Variants in ACAD8 observed in about 807,000 individuals in gnomAD.
The protein encoded by ACAD8 is isobutyryl-CoA dehydrogenase, mitochondrial.
A neutral mutation model predicts 53.1 loss-of-function variants in ACAD8; 47 were observed. That is an observed-to-expected ratio of 0.89 (90% confidence interval 0.70 to 1.13). The LOEUF (loss-of-function observed/expected upper bound fraction) is 1.13. ACAD8 is among the 50% of genes most tolerant of loss of function. The pLI is 0.00. For synonymous variants in ACAD8, 198 were observed against 201.3 expected (o/e 0.98, Z 0.14); for missense variants, 494 against 535.0 (o/e 0.92, Z 0.76).
rs762382590 is a variant in ACAD8 at position 134,261,668 on chromosome 11, C to T, written c.940-70C>T. On this transcript the variant is annotated intron_variant, in intron 8 of 10. Coordinates refer to ENST00000281182, the MANE Select transcript of ACAD8 (RefSeq NM_014384.3). This position sits in a 1 kb window ranked among gnomAD's most constrained non-coding sequence, Gnocchi z 4.2. Reference sequence around the variant, plus strand: ...AAAAGGCGCCTCCGAGATGTCTTACCGAGGCTCCTGCACCAGGTGCTGGTC... The same window carrying T: ...AAAAGGCGCCTCCGAGATGTCTTACTGAGGCTCCTGCACCAGGTGCTGGTC... 3.7e-5 allele frequency: 60 copies of T among 1,605,760 alleles called. No individual in the cohort carries two copies. Among genetic ancestry groups the T allele is most frequent in the Middle Eastern group, 3.3e-4 (2 of 6,080 alleles).
At chr11:134,262,962 A>C (rs2136084989) in intron 10 of ACAD8, 2 of 1,243,250 alleles carry the variant, frequency 1.6e-6, no homozygotes, top group Non-Finnish European at 2.1e-6. Flanking sequence ...GTTCTCAGGG[A>C]TCCAAGAACA....
chr11:134,260,887 G>A, intron 6 of ACAD8, 157 bp from the exon 7 acceptor site: 1 of 767,498 alleles, frequency 1.3e-6, no homozygotes, highest in Non-Finnish European at 2.2e-6. Context: ...GTGCTGACAG[G>A]CCTTTAAACC....
At chr11:134,255,878 C>T (rs780470539) in intron 1 of ACAD8, among the ~76,000 whole-genome samples, 12 of 152,110 alleles carry the variant, frequency 7.9e-5, no homozygotes, top group East Asian at 1.9e-4. Context: ...CCAAGTGTGG[C>T]GCCATAGTCT....
rs1940035779 is a variant in ACAD8, at chr11:134,263,732, C to A, written c.1195+1110C>A. 5.1e-6 allele frequency: 5 copies of A among 985,438 alleles called. No homozygotes were observed. The African/African-American group carries it at 5.2e-5, about 10-fold the overall frequency. 61.0% of individuals were successfully genotyped at this position (985,438 alleles called of 1,614,324 possible). ...GCCTTCATTCTAACTCTCTCTCCAC[C>A]CTGCAATAATAAGCAGGAAAACATT... is the stretch of plus-strand genomic sequence containing the variant. On this transcript the variant is annotated intron_variant, in intron 10 of 10. Coordinates refer to ENST00000281182, the MANE Select transcript of ACAD8 (RefSeq NM_014384.3).
At chr11:134,256,432 G>C in intron 1 of ACAD8, 116 bp from the exon 2 acceptor site, 1 of 782,238 alleles carries the variant, frequency 1.3e-6, no homozygotes, top group African/African-American at 1.7e-5. Context: ...GCTATACCGT[G>C]TATGGGAAAT....
intron 10 of ACAD8, 189 bp downstream of exon 10, chr11:134,262,811 G>C: frequency 6.8e-6 from 10 of 1,475,066 alleles, no homozygotes; most frequent in Non-Finnish European, 9.0e-6. Context: ...CCGCAGCTTC[G>C]TCCCTTTCGG....
At position 134,261,701 on chromosome 11, in the gene ACAD8, C is replaced by G; in HGVS notation, c.940-37C>G. The G allele has an allele frequency of 6.2e-7, 1 of 1,611,556 alleles. No individual in the cohort carries two copies. Among genetic ancestry groups the G allele is most frequent in the Non-Finnish European group, 8.5e-7 (1 of 1,179,974 alleles). On this transcript the variant is annotated intron_variant, in intron 8 of 10. Coordinates refer to ENST00000281182, the MANE Select transcript of ACAD8 (RefSeq NM_014384.3). The surrounding 1 kb of genome is among the most constrained non-coding windows in gnomAD (Gnocchi z 4.2). ...CTGCACCAGGTGCTGGTCTAAGCCC[C>G]TCAGTCTTGTCTGGTTCTCTGCTCC...
intron 5 of ACAD8, chr11:134,259,357 C>T (rs905586035): frequency 1.2e-5 from 8 of 661,268 alleles, no homozygotes; most frequent in Non-Finnish European, 1.9e-5. Context: ...TTTACCTCAC[C>T]TCAGTCTCTG....
intron 9 of ACAD8, chr11:134,262,128 C>A: frequency 1.5e-6 from 1 of 677,412 alleles, no homozygotes; most frequent in Non-Finnish European, 2.7e-6. Context: ...TGGTTGTGTT[C>A]TAGGCGAGAA....
Position 134,261,943 on chromosome 11 carries a change from C to T in ACAD8, c.1092+53C>T. The T allele has an allele frequency of 1.2e-6, 2 of 1,604,180 alleles. No homozygotes were observed. Among genetic ancestry groups the T allele is most frequent in the South Asian group, 1.1e-5 (1 of 90,202 alleles). On this transcript the variant is annotated intron_variant, in intron 9 of 10. Coordinates refer to ENST00000281182, the MANE Select transcript of ACAD8 (RefSeq NM_014384.3). The surrounding 1 kb of genome is among the most constrained non-coding windows in gnomAD (Gnocchi z 4.2). ...ATGGACAGGGAACAGCTGCTAGGCC[C>T]AGGGGTCTTGAGAGACATGAGTCAG...
intron 4 of ACAD8, 68 bp from the exon 5 acceptor site, chr11:134,258,937 AATT>A: frequency 1.6e-6 from 2 of 1,284,594 alleles, no homozygotes; most frequent in Non-Finnish European, 2.3e-6. Flanking sequence ...TAGAAGATAG[AATT>A]GTGCTGGGCT....
intron 6 of ACAD8, chr11:134,260,236 T>C (rs1939803070): frequency 9.3e-7 from 1 of 1,075,788 alleles, no homozygotes; most frequent in Admixed American, 4.9e-5. Flanking sequence ...AGTAAGATAC[T>C]TCTAGGATTA....
In ACAD8 at chr11:134,264,125, G is replaced by A. The variant is rs111609790; in HGVS notation, c.1196-783G>A. The A allele has an allele frequency of 0.011, 9,409 of 887,230 alleles. 723 individuals carry two copies. The African/African-American group carries it at 0.16, about 15-fold the overall frequency. 55.0% of individuals were successfully genotyped at this position (887,230 alleles called of 1,614,324 possible). On this transcript the variant is annotated intron_variant, in intron 10 of 10. Coordinates refer to ENST00000281182, the MANE Select transcript of ACAD8 (RefSeq NM_014384.3). Reference sequence around the variant, plus strand: ...TTTGGGAGGCTGAGGCGGGTGGATCGCGTGAGGCCAGGAGTTCGAGACCAG... The same window carrying A: ...TTTGGGAGGCTGAGGCGGGTGGATCACGTGAGGCCAGGAGTTCGAGACCAG...
At chr11:134,262,371 A>G in intron 9 of ACAD8, 149 bp from the exon 10 acceptor site, 1 of 675,340 alleles carries the variant, frequency 1.5e-6, no homozygotes, top group Non-Finnish European at 2.7e-6. Context: ...AACCATACAG[A>G]ATGTGGAGGC....
intron 1 of ACAD8, 36 bp downstream of exon 1, chr11:134,253,745 C>T (rs770126215): frequency 3.0e-5 from 46 of 1,550,800 alleles, no homozygotes; most frequent in Non-Finnish European, 3.1e-5. Context: ...GACAGGTGTC[C>T]AGAACCCCGG....
chr11:134,254,691 A>G (rs1939379327), intron 1 of ACAD8, among the ~76,000 whole-genome samples: 2 of 152,246 alleles, frequency 1.3e-5, no homozygotes, highest in African/African-American at 4.8e-5. Flanking sequence ...CGAAGCAGAT[A>G]AGGAATTATT....
chr11:134,256,472 T>C, intron 1 of ACAD8, 76 bp from the exon 2 acceptor site: 2 of 1,152,010 alleles, frequency 1.7e-6, no homozygotes, highest in Non-Finnish European at 2.6e-6. Context: ...CACAACTTCG[T>C]GGTGCTTCTT....
rs78636094 is a variant in ACAD8, at chr11:134,263,817, C to G, written c.1196-1091C>G. 2,193 of 985,392 alleles carry G rather than the reference C, an allele frequency of 2.2e-3. 39 individuals are homozygous for G. In the African/African-American group the frequency reaches 0.034, roughly 15 times the overall value. The allele number at this position is 985,392 out of a possible 1,614,324, so 61.0% of individuals were successfully genotyped here. A position where few individuals can be genotyped will look rare whatever the true frequency, so the allele number is the denominator to read the frequency against. On this transcript the variant is annotated intron_variant, in intron 10 of 10. Coordinates refer to ENST00000281182, the MANE Select transcript of ACAD8 (RefSeq NM_014384.3). ...AATTGGGGCACTCATCACTGTATCA[C>G]TTTGTTTCATCATGGACTTTACTGT...
intron 6 of ACAD8, chr11:134,260,746 T>C: frequency 9.0e-6 from 4 of 444,770 alleles, no homozygotes; most frequent in South Asian, 8.7e-5. Context: ...GGCACTGAAA[T>C]TGGGGGCAGT....
Sources: gnomAD v4.1 joint callset for allele counts (sites outside exome capture counted in the v4.1 genomes callset) on GRCh38, gnomAD v4.1.1 for gene constraint, Gnocchi (gnomAD v3.1) non-coding constraint, MANE v1.5 for transcripts, NCBI Gene and HGNC (gene_info 2026-07-23, HGNC 2026-07-21) for gene names.